Variants in KIF13B observed in about 807,000 individuals in gnomAD.
KIF13B encodes kinesin-like protein KIF13B.
KIF13B carries 127 observed loss-of-function variants against 222.0 expected under a neutral mutation model. The ratio of observed to expected loss-of-function variants is 0.57; its 90% CI spans 0.50 to 0.66. The LOEUF is 0.66. Among genes scored for constraint, KIF13B ranks in the 30% least tolerant of loss-of-function variants. KIF13B has a pLI of 0.00. For missense variants in KIF13B, 2,173 were observed against 2,379.0 expected (o/e 0.91, Z 1.80); for synonymous variants, 976 against 919.0 (o/e 1.06, Z -1.12).
At chr8:29,108,950 T>C (rs929947511) in intron 34 of KIF13B, among the ~76,000 whole-genome samples, 1 of 152,222 alleles carries the variant, frequency 6.6e-6, no homozygotes, top group Non-Finnish European at 1.5e-5. Context: ...ACATAAATTA[T>C]ATATAGGTTT....
At chr8:29,159,694 C>T (rs1811688913) in intron 13 of KIF13B, among the ~76,000 whole-genome samples, 1 of 152,132 alleles carries the variant, frequency 6.6e-6, no homozygotes, top group Non-Finnish European at 1.5e-5. Context: ...CAGGTCACTC[C>T]CTCCTACCCC....
intron 14 of KIF13B, among the ~76,000 whole-genome samples, chr8:29,155,490 T>C (rs1358060410): frequency 4.6e-5 from 7 of 152,152 alleles, no homozygotes; most frequent in African/African-American, 1.7e-4. Context: ...CTCGTGGTGT[T>C]GGCAGGGGCT....
rs1258927205 is a variant in KIF13B at position 29,071,993 on chromosome 8, G to A, written c.4845C>T (p.Ala1615=). 2 of 1,291,328 alleles carry A rather than the reference G, an allele frequency of 1.5e-6. No homozygotes were observed. The highest frequency in any genetic ancestry group is 2.0e-6 in the Non-Finnish European group (2 of 1,022,284). 80.0% of individuals were successfully genotyped at this position (1,291,328 alleles called of 1,614,324 possible). ...GGCCAGGGGGCTCCTCGGCGGGGACGGCCGTGGGCGGTGGGGGGTGGCTGA... is the reference window on the plus strand; with the variant it reads ...GGCCAGGGGGCTCCTCGGCGGGGACAGCCGTGGGCGGTGGGGGGTGGCTGA... ...APISHPPPPT[A]VPAEEPPGPQ... Residue 1615 remains alanine, a synonymous_variant, in exon 39 of 40, where the codon GCC becomes GCT. Transcript: ENST00000524189. This position sits in a 1 kb window ranked among gnomAD's most constrained non-coding sequence, Gnocchi z 4.9.
chr8:29,132,211 A>G (rs563192713), intron 23 of KIF13B, 97 bp downstream of exon 23: 726 of 928,114 alleles, frequency 7.8e-4, no homozygotes, highest in Non-Finnish European at 9.5e-4. Flanking sequence ...GTGCCACTGC[A>G]CTCCAGCCTG....
rs374209248 is a variant in KIF13B at position 29,075,309 on chromosome 8, G to A, written c.4493C>T (p.Pro1498Leu). 30 of 1,558,920 alleles carry A rather than the reference G, an allele frequency of 1.9e-5. No individual in the cohort carries two copies. Among genetic ancestry groups the A allele is most frequent in the Admixed American group, 3.8e-5 (2 of 52,212 alleles). The stretch of plus-strand genomic sequence containing the variant: ...CTCCATCCTGGTCACCCTGATGTCC[G>A]GGCTGGCTGACTGCACCATGATGCG... The part of the protein sequence containing the change: ...VPRIMVQSAS[P>L]DIRVTRMEEA... Residue 1498 changes from proline (P) to leucine (L), a missense_variant, in exon 38 of 40, where the codon CCG becomes CTG. Pro to Leu is a moderately conservative substitution (Grantham distance 98). Coordinates refer to ENST00000524189, the MANE Select transcript of KIF13B (RefSeq NM_015254.4).
chr8:29,260,367 T>G (rs1276514740), intron 1 of KIF13B, among the ~76,000 whole-genome samples: 1 of 152,184 alleles, frequency 6.6e-6, no homozygotes, highest in Non-Finnish European at 1.5e-5. Flanking sequence ...ACAGTAAAAC[T>G]ACATCATCAC....
chr8:29,216,475 T>C (rs1257585732), intron 2 of KIF13B, among the ~76,000 whole-genome samples: 1 of 152,110 alleles, frequency 6.6e-6, no homozygotes, highest in Admixed American at 6.6e-5. Flanking sequence ...GGCGGGTGCC[T>C]GTAGTCCCAG....
chr8:29,133,723 T>C (rs1810442690), intron 22 of KIF13B, among the ~76,000 whole-genome samples: 1 of 152,262 alleles, frequency 6.6e-6, no homozygotes, highest in South Asian at 2.1e-4. Flanking sequence ...CTCTGTTACC[T>C]GTGTTCACTT....
chr8:29,122,791 A>G, intron 28 of KIF13B, 145 bp from the exon 29 acceptor site: 1 of 665,416 alleles, frequency 1.5e-6, no homozygotes, highest in Non-Finnish European at 2.7e-6. Context: ...ATCCAGAATC[A>G]GAGAGGCCAC....
At chr8:29,166,465 G>A (rs778329726) in intron 11 of KIF13B, among the ~76,000 whole-genome samples, 1 of 152,106 alleles carries the variant, frequency 6.6e-6, no homozygotes, top group South Asian at 2.1e-4. Context: ...TTGGGAGGCC[G>A]AGGCGGGCGT....
intron 2 of KIF13B, among the ~76,000 whole-genome samples, chr8:29,216,618 A>T (rs1332533866): frequency 9.7e-6 from 1 of 102,638 alleles, no homozygotes; most frequent in African/African-American, 4.0e-5. Flanking sequence ...TTTTTTAATT[A>T]AAAAAAAAAT....
rs558455502 is a variant in KIF13B at position 29,081,860 on chromosome 8, A to G, written c.4459-6517T>C. 4.5e-4 allele frequency among the ~76,000 whole-genome samples: 68 copies of G among 152,344 alleles called. 2 individuals are homozygous for G. The highest frequency in any genetic ancestry group is 1.5e-3 in the African/African-American group (61 of 41,570). On this transcript the variant is annotated intron_variant, in intron 37 of 39. Coordinates refer to ENST00000524189, the MANE Select transcript of KIF13B (RefSeq NM_015254.4). ...TGCTGGAAGCTCTCGACACATTTGTAAAGTACTTCATTGGAATTTTGTGTC... is the reference window on the plus strand; with the variant it reads ...TGCTGGAAGCTCTCGACACATTTGTGAAGTACTTCATTGGAATTTTGTGTC...
At chr8:29,177,798 T>C (rs1812545045) in intron 8 of KIF13B, among the ~76,000 whole-genome samples, 1 of 152,134 alleles carries the variant, frequency 6.6e-6, no homozygotes, top group South Asian at 2.1e-4. Context: ...TAGTCCCAGC[T>C]ACTTGGGAAA....
At chr8:29,204,694 G>C (rs573239435) in intron 2 of KIF13B, among the ~76,000 whole-genome samples, 44 of 151,808 alleles carry the variant, frequency 2.9e-4, no homozygotes, top group Admixed American at 6.6e-4. Context: ...TAACTTCAAG[G>C]TATTCTATAT....
intron 2 of KIF13B, among the ~76,000 whole-genome samples, chr8:29,232,800 CAG>C (rs1474988876): frequency 2.0e-5 from 3 of 152,180 alleles, no homozygotes; most frequent in African/African-American, 7.2e-5. Flanking sequence ...CTGGTAGACA[CAG>C]AGACTCCATA....
chr8:29,125,826 C>T (rs1810082254), intron 26 of KIF13B, among the ~76,000 whole-genome samples: 1 of 151,792 alleles, frequency 6.6e-6, no homozygotes, highest in African/African-American at 2.4e-5. Context: ...ATGCAAAATT[C>T]AGTCGGGCGC....
At chr8:29,152,242 T>C (rs1018742755) in intron 14 of KIF13B, among the ~76,000 whole-genome samples, 1 of 152,248 alleles carries the variant, frequency 6.6e-6, no homozygotes, top group Admixed American at 6.5e-5. Context: ...AATCTACTCC[T>C]GGTGAAGATG....
intron 1 of KIF13B, among the ~76,000 whole-genome samples, chr8:29,258,403 A>T (rs1201927390): frequency 6.6e-6 from 1 of 152,204 alleles, no homozygotes; most frequent in Admixed American, 6.5e-5. Flanking sequence ...GGGATCTAGC[A>T]ATCTTTCCCC....
intron 2 of KIF13B, among the ~76,000 whole-genome samples, chr8:29,234,135 T>C (rs1815402936): frequency 6.6e-6 from 1 of 152,064 alleles, no homozygotes; most frequent in Admixed American, 6.6e-5. Flanking sequence ...TCTTGAAAAG[T>C]AATGTGAGGT....
Sources: gnomAD v4.1 joint callset for allele counts (sites outside exome capture counted in the v4.1 genomes callset) on GRCh38, gnomAD v4.1.1 for gene constraint, Gnocchi (gnomAD v3.1) non-coding constraint, MANE v1.5 for transcripts, NCBI Gene and HGNC (gene_info 2026-07-23, HGNC 2026-07-21) for gene names.